CDIN1: variants seen among roughly 807,000 people sequenced by gnomAD.
CDIN1 encodes CDAN1-interacting nuclease 1.
In CDIN1, 33 loss-of-function variants were observed where a neutral mutation model predicts 45.3. The ratio of observed to expected loss-of-function variants is 0.73; its 90% CI spans 0.55 to 0.97. The LOEUF is 0.97. Among genes scored for constraint, CDIN1 ranks in the 50% least tolerant of loss-of-function variants. The pLI is 0.00. For missense variants in CDIN1, 303 were observed against 339.4 expected, an observed-to-expected ratio of 0.89 and a Z score of 0.84; for synonymous variants, 118 against 124.4, an observed-to-expected ratio of 0.95 and a Z score of 0.34.
chr15:36,786,082 T>A (rs1018734491), intron 10 of CDIN1, among the ~76,000 whole-genome samples: 5 of 152,216 alleles, frequency 3.3e-5, no homozygotes, highest in Non-Finnish European at 7.3e-5. Context: ...CTGACAGTGT[T>A]CATACACTAA....
chr15:36,800,899 G>GTATATATATATA, intron 10 of CDIN1, among the ~76,000 whole-genome samples: 1 of 25,812 alleles, frequency 3.9e-5, no homozygotes, highest in African/African-American at 1.2e-4. Flanking sequence ...GTGTGTGTGT[G>GTATATATATATA]TGTGTGTGTG....
chr15:36,716,387 G>A (rs910878078), intron 10 of CDIN1, among the ~76,000 whole-genome samples: 1 of 152,008 alleles, frequency 6.6e-6, no homozygotes, highest in East Asian at 1.9e-4. Context: ...ATCCAGAGAG[G>A]GTAAGGGAAA....
At chr15:36,647,947 C>G (rs927119708) in intron 3 of CDIN1, among the ~76,000 whole-genome samples, 8 of 151,704 alleles carry the variant, frequency 5.3e-5, no homozygotes, top group Middle Eastern at 3.4e-3. Context: ...TCACGCCATT[C>G]TCCTGGCTCA....
chr15:36,772,505 T>C (rs1595580140), intron 10 of CDIN1, among the ~76,000 whole-genome samples: 2 of 152,350 alleles, frequency 1.3e-5, no homozygotes, highest in East Asian at 3.9e-4. Context: ...GGACCTCCTC[T>C]GGTCTTGGGT....
At chr15:36,693,167 C>T (rs2042311667) in intron 7 of CDIN1, among the ~76,000 whole-genome samples, 2 of 152,050 alleles carry the variant, frequency 1.3e-5, no homozygotes, top group Non-Finnish European at 1.5e-5. Context: ...GGCTTAGAGT[C>T]GTAACATTTT....
chr15:36,653,822 T>C (rs533321178), intron 3 of CDIN1, among the ~76,000 whole-genome samples: 2 of 152,328 alleles, frequency 1.3e-5, no homozygotes, highest in East Asian at 3.9e-4. Context: ...GTTCCTCTTG[T>C]TCACTTTATA....
At chr15:36,638,648 A>G (rs1595402660) in intron 1 of CDIN1, among the ~76,000 whole-genome samples, 1 of 152,324 alleles carries the variant, frequency 6.6e-6, no homozygotes, top group East Asian at 1.9e-4. Context: ...TAGTTCCTTT[A>G]TCTTTAAAAA....
At chr15:36,642,515 C>G (rs959074528) in intron 1 of CDIN1, among the ~76,000 whole-genome samples, 2 of 152,224 alleles carry the variant, frequency 1.3e-5, no homozygotes, top group Admixed American at 1.3e-4. Flanking sequence ...TTCACAGGCT[C>G]TGTCCATGGT....
intron 10 of CDIN1, among the ~76,000 whole-genome samples, chr15:36,770,441 G>A (rs188683422): frequency 6.6e-6 from 1 of 151,062 alleles, no homozygotes; most frequent in Non-Finnish European, 1.5e-5. Flanking sequence ...TGATGATGAT[G>A]ATTATTATTA....
At position 36,643,866 on chromosome 15, in the gene CDIN1, A is replaced by C. The variant is rs989799400; in HGVS notation, c.102-412A>C. On this transcript the variant is annotated intron_variant, in intron 1 of 10. Transcript: ENST00000566621. ...TGTAGAGGAGAATACCTGTCTGCTAACAAAATTAATTTCAGAACATTCTCA... is the reference window on the plus strand; with the variant it reads ...TGTAGAGGAGAATACCTGTCTGCTACCAAAATTAATTTCAGAACATTCTCA... Among the ~76,000 whole-genome samples the C allele has an allele frequency of 1.1e-4, 16 of 152,342 alleles. No homozygotes were observed. In the East Asian group the frequency reaches 1.5e-3, roughly 15 times the overall value.
At chr15:36,756,000 G>T in intron 10 of CDIN1, 1 of 453,216 alleles carries the variant, frequency 2.2e-6, no homozygotes, top group South Asian at 1.6e-5. Flanking sequence ...CACTTACCAG[G>T]TCTTTATCAC....
chr15:36,664,767 C>T lies in CDIN1; in HGVS notation c.346+6862C>T, dbSNP rs566546597. Among the ~76,000 whole-genome samples the T allele has an allele frequency of 5.7e-3, 861 of 152,266 alleles. 3 individuals carry two copies. Among genetic ancestry groups the T allele is most frequent in the Middle Eastern group, 0.031 (9 of 294 alleles). On this transcript the variant is annotated intron_variant, in intron 5 of 10. Coordinates refer to ENST00000566621, the MANE Select transcript of CDIN1 (RefSeq NM_001321759.2). ...TTCACCATGTTAGCCAGGATGGTCT[C>T]GATCTCCTGACCTCGTGATCCGCCC...
intron 5 of CDIN1, chr15:36,691,278 C>T (rs1173594106): frequency 2.4e-4 from 114 of 480,642 alleles, no homozygotes; most frequent in South Asian, 6.1e-4. Context: ...AGGTCAGATT[C>T]AAAGACTTCA....
At chr15:36,623,740 G>A (rs1017026079) in intron 1 of CDIN1, among the ~76,000 whole-genome samples, 1 of 152,220 alleles carries the variant, frequency 6.6e-6, no homozygotes, top group African/African-American at 2.4e-5. Context: ...AAAACCTTTA[G>A]TAAATTTTGT....
intron 10 of CDIN1, among the ~76,000 whole-genome samples, chr15:36,758,848 C>G (rs1403012347): frequency 6.6e-6 from 1 of 152,124 alleles, no homozygotes; most frequent in East Asian, 1.9e-4. Flanking sequence ...CTCAGTATAA[C>G]TTAAAACATA....
intron 1 of CDIN1, among the ~76,000 whole-genome samples, chr15:36,643,099 T>C (rs1437877362): frequency 6.6e-6 from 1 of 152,218 alleles, no homozygotes; most frequent in East Asian, 1.9e-4. Flanking sequence ...CAGACTATAA[T>C]GGATTTATTA....
chr15:36,717,983 GTT>G (rs1555399780), intron 10 of CDIN1, among the ~76,000 whole-genome samples: 1 of 151,860 alleles, frequency 6.6e-6, no homozygotes, highest in Non-Finnish European at 1.5e-5. Flanking sequence ...TCTTGGAAAA[GTT>G]TCTCTTGAAA....
intron 10 of CDIN1, among the ~76,000 whole-genome samples, chr15:36,775,337 A>G (rs1220028346): frequency 6.6e-6 from 1 of 152,218 alleles, no homozygotes; most frequent in Non-Finnish European, 1.5e-5. Context: ...TTTCAAAGCC[A>G]TGTGTTGTAT....
chr15:36,617,548 A>G (rs978314424), intron 1 of CDIN1: 1 of 809,724 alleles, frequency 1.2e-6, no homozygotes, highest in African/African-American at 1.7e-5. Flanking sequence ...GTTCATCCCA[A>G]TTTGGACAGT....
Sources: allele counts gnomAD v4.1 joint callset (sites outside exome capture counted in the v4.1 genomes callset), GRCh38; gene constraint gnomAD v4.1.1; transcripts MANE v1.5; gene names NCBI Gene and HGNC (gene_info 2026-07-23, HGNC 2026-07-21).